The following CIC variants were observed in gnomAD, a reference collection of about 807,000 sequenced individuals.
CIC encodes protein capicua homolog.
Under a neutral mutation model 115.7 loss-of-function variants are expected in CIC, and 18 were observed. That is an observed-to-expected ratio of 0.16 (90% CI 0.11 to 0.23). The LOEUF is 0.23. Ranked by LOEUF, CIC falls within the 10% of genes least tolerant of loss-of-function variation. CIC has a pLI of 1.00. For missense variants in CIC, 2,000 were observed against 2,159.3 expected, an observed-to-expected ratio of 0.93 and a Z score of 1.46; for synonymous variants, 1,076 against 923.0, an observed-to-expected ratio of 1.17 and a Z score of -3.01.
Position 42,291,455 on chromosome 19 carries a change from C to T in CIC, c.5414C>T (p.Pro1805Leu), listed in dbSNP as rs549004026. Residue 1805 changes from proline (P) to leucine (L), a missense_variant, in exon 11 of 21, where the codon CCA becomes CTA. By Grantham distance (98) the Pro-to-Leu change is moderately conservative. Around this residue, in one of 8 missense-constraint regions of CIC, gnomAD observed 1,466 missense variants for 1,390.4 expected, o/e 1.05. Transcript: ENST00000681038. Reference protein sequence around the residue: ...IPILQSVPSAPPPKAQSVSPV... With the variant: ...IPILQSVPSALPPKAQSVSPV... The stretch of plus-strand genomic sequence containing the variant: ...ATCCTGCAGTCTGTACCCTCCGCCC[C>T]ACCCCCCAAAGGTGAGACCTGGGCC... 3.7e-6 allele frequency: 6 copies of T among 1,613,094 alleles called. No homozygotes were observed. The highest frequency in any genetic ancestry group is 1.3e-5 in the African/African-American group (1 of 75,048).
Position 42,272,615 on chromosome 19 carries a change from G to A in CIC, c.832G>A (p.Val278Met), listed in dbSNP as rs1568485683. The A allele has an allele frequency of 1.5e-5, 6 of 398,548 alleles. No individual in the cohort carries two copies. The highest frequency in any genetic ancestry group is 1.3e-4 in the South Asian group (1 of 7,876). 24.7% of individuals were successfully genotyped at this position (398,548 alleles called of 1,614,324 possible). ...TAVCTCVEPG[V>M]AAYREGVVVE... ...TGTCTGTACCTGTGTGGAGCCCGGC[G>A]TGGCTGCCTACCGGGAAGGTGTGGT... The change falls in exon 2 of 21, where the codon GTG (valine) becomes ATG (methionine). Residue 278 changes from valine (V) to methionine (M), a missense_variant. Val to Met is a conservative substitution (Grantham distance 21, BLOSUM62 1). Transcript: ENST00000681038.
chr19:42,268,587 G>C (rs1315250230), upstream of CIC: 1 of 152,228 alleles, frequency 6.6e-6, no homozygotes, highest in Non-Finnish European at 1.5e-5. Flanking sequence ...CCAGAGCCAG[G>C]AATACGGGTG....
intron 2 of CIC, 50 bp from the exon 3 acceptor site, chr19:42,286,721 G>A (rs1454277308): frequency 6.2e-7 from 1 of 1,612,314 alleles, no homozygotes; most frequent in Non-Finnish European, 8.5e-7. Flanking sequence ...TTGAGTTGGG[G>A]TTGGGGCCAG....
At position 42,291,579 on chromosome 19, in the gene CIC, A is replaced by C. The variant is rs763794692; in HGVS notation, c.5447A>C (p.Gln1816Pro). 1.2e-6 allele frequency: 2 copies of C among 1,612,868 alleles called. No homozygotes were observed. The highest frequency in any genetic ancestry group is 3.3e-5 in the Admixed American group (2 of 59,998). Residue 1816 changes from glutamine to proline, a missense_variant, in exon 12 of 21, where the codon CAG becomes CCG. Physicochemically the swap from Gln to Pro is moderately conservative, Grantham distance 76. Transcript: ENST00000681038. ...PPKAQSVSPV[Q>P]APPPGGSAQL... ...CCAGCCCAGTCAGTTTCTCCCGTGC[A>C]GGCCCCGCCCCCGGGTGGCTCAGCC...
chr19:42,289,984 C>T (rs1235669326), intron 10 of CIC, 33 bp downstream of exon 10: 2 of 1,531,588 alleles, frequency 1.3e-6, no homozygotes, highest in Non-Finnish European at 1.8e-6. Flanking sequence ...TGTCCCATCA[C>T]ACTCCCTCCT....
Position 42,273,839 on chromosome 19 carries a change from G to A in CIC, c.2056G>A (p.Ala686Thr). 2.5e-6 allele frequency: 1 copy of A among 398,620 alleles called. No individual in the cohort carries two copies. 24.7% of individuals were successfully genotyped at this position (398,620 alleles called of 1,614,324 possible). A position where few individuals can be genotyped will look rare whatever the true frequency, so the allele number is the denominator to read the frequency against. Residue 686 changes from alanine (A) to threonine (T), a missense_variant, in exon 2 of 21, where the codon GCC becomes ACC. Ala to Thr is a moderately conservative substitution (Grantham distance 58). Transcript: ENST00000681038. Reference protein sequence around the residue: ...PDLGPHPPPPAPRERHSSGIL... With the variant: ...PDLGPHPPPPTPRERHSSGIL... The stretch of plus-strand genomic sequence containing the variant: ...CCTGGGCCCCCACCCACCGCCACCT[G>A]CCCCCCGAGAGCGCCACTCCTCTGG...
In CIC at chr19:42,290,749, G is replaced by C. The variant is rs766781873; in HGVS notation, c.4708G>C (p.Ala1570Pro). Residue 1570 changes from alanine (A) to proline (P), a missense_variant, in exon 11 of 21, where the codon GCA becomes CCA. Ala to Pro is a conservative substitution (Grantham distance 27). This residue lies in a region of CIC where 1,466 missense variants were observed against 1,390.4 expected (regional missense o/e 1.05). Transcript: ENST00000681038. ...CCCATCACTGGCCTATGGGGCCCCAGCAGCTCCCCTGTCCCGTCCTGCCGC... is the reference window on the plus strand; with the variant it reads ...CCCATCACTGGCCTATGGGGCCCCACCAGCTCCCCTGTCCCGTCCTGCCGC... ...PAPSLAYGAP[A>P]APLSRPAATM... The C allele has an allele frequency of 6.2e-7, 1 of 1,612,476 alleles. No individual in the cohort carries two copies. Among genetic ancestry groups the C allele is most frequent in the Non-Finnish European group, 8.5e-7 (1 of 1,179,730 alleles).
chr19:42,289,441 C>T, intron 9 of CIC, 35 bp downstream of exon 9: 1 of 1,548,988 alleles, frequency 6.5e-7, no homozygotes, highest in Non-Finnish European at 8.7e-7. Flanking sequence ...TTGCCCAGGA[C>T]CCAGCAGGCC....
rs1256197247 is a variant in CIC, at chr19:42,294,711, C to G, written c.7162C>G (p.Gln2388Glu). 3 of 1,613,666 alleles carry G rather than the reference C, an allele frequency of 1.9e-6. No homozygotes were observed. The highest frequency in any genetic ancestry group is 2.5e-6 in the Non-Finnish European group (3 of 1,180,022). Residue 2388 changes from glutamine (Q) to glutamate (E), a missense_variant, in exon 20 of 21, where the codon CAG becomes GAG. Gln to Glu is a conservative substitution (Grantham distance 29). Around this residue, in one of 8 missense-constraint regions of CIC, gnomAD observed 99 missense variants for 217.6 expected, o/e 0.45. Transcript: ENST00000681038. ...CCGGGCCCTGGTCATGCAGCTCTTT[C>G]AGGACCATGGCTTCTTCCCGTCAGG... The part of the protein sequence containing the change: ...QRRALVMQLF[Q>E]DHGFFPSAQA...
chr19:42,293,041 C>A lies in CIC; in HGVS notation c.6282C>A (p.Ala2094=). 1 of 1,613,020 alleles carries A rather than the reference C, an allele frequency of 6.2e-7. No homozygotes were observed. The highest frequency in any genetic ancestry group is 8.5e-7 in the Non-Finnish European group (1 of 1,179,878). Residue 2094 remains alanine, a synonymous_variant, in exon 16 of 21, where the codon GCC becomes GCA. Coordinates refer to ENST00000681038, the MANE Select transcript of CIC (RefSeq NM_001386298.1). ...CCCAGAAAGTGAAGGCAGCCATCGCCAGCATTCCCGTGGGGTCCTTTGAGG... is the reference window on the plus strand; with the variant it reads ...CCCAGAAAGTGAAGGCAGCCATCGCAAGCATTCCCGTGGGGTCCTTTGAGG... ...KAPQKVKAAI[A]SIPVGSFEAG...
Position 42,295,143 on chromosome 19 carries a change from G to GGGGGC in CIC, c.7506_7507insGGGGC (p.Pro2503GlyfsTer28). The GGGGGC allele has an allele frequency of 6.6e-5, 91 of 1,382,328 alleles. No individual in the cohort carries two copies. Among genetic ancestry groups the GGGGGC allele is most frequent in the Non-Finnish European group, 7.9e-5 (82 of 1,037,454 alleles). The allele number at this position is 1,382,328 out of a possible 1,614,324, so 85.6% of individuals were successfully genotyped here. On this transcript the variant is annotated frameshift_variant, in exon 21 of 21. Coordinates refer to ENST00000681038, the MANE Select transcript of CIC (RefSeq NM_001386298.1). LOFTEE classifies it high-confidence loss of function. ...AGCCTGGCTGGGAGGGGGCTCCCCAGCCCTCCCCCCCACCCCCAGGTCCCT... is the reference window on the plus strand; with the variant it reads ...AGCCTGGCTGGGAGGGGGCTCCCCAGGGGGCCCCTCCCCCCCACCCCCAGGTCCCT...
rs1469865522 is a variant in CIC, at chr19:42,294,857, C to G, written c.7220C>G (p.Ala2407Gly). ...ACAGCCGCCTTCCAGGCCCGCTATG[C>G]AGACATCTTTCCCTCCAAGGTTTGT... Reference protein sequence around the residue: ...QATAAFQARYADIFPSKVCLQ... With the variant: ...QATAAFQARYGDIFPSKVCLQ... Residue 2407 changes from alanine to glycine, a missense_variant, in exon 21 of 21, where the codon GCA becomes GGA. Coordinates refer to ENST00000681038, the MANE Select transcript of CIC (RefSeq NM_001386298.1). 6 of 1,601,076 alleles carry G rather than the reference C, an allele frequency of 3.7e-6. No homozygotes were observed. In the African/African-American group the frequency reaches 8.0e-5, roughly 21 times the overall value.
Position 42,286,934 on chromosome 19 carries a change from G to T in CIC, c.2944+14G>T. 1 of 1,609,436 alleles carries T rather than the reference G, an allele frequency of 6.2e-7. No individual in the cohort carries two copies. The highest frequency in any genetic ancestry group is 8.5e-7 in the Non-Finnish European group (1 of 1,179,514). On this transcript the variant is annotated intron_variant, in intron 3 of 20. Coordinates refer to ENST00000681038, the MANE Select transcript of CIC (RefSeq NM_001386298.1). ...ACCAGAGCAAAGGTGAGGGCTGGTG[G>T]GGACTGGGGGGAGGCAAGGGTGTGG...
In CIC at chr19:42,291,474, C is replaced by G. The variant is rs1599920290; in HGVS notation, c.5425+8C>G. The G allele has an allele frequency of 1.1e-5, 18 of 1,613,164 alleles. No homozygotes were observed. The highest frequency in any genetic ancestry group is 1.4e-5 in the Non-Finnish European group (17 of 1,179,986). On this transcript the variant is annotated splice_region_variant and intron_variant, in intron 11 of 20. Coordinates refer to ENST00000681038, the MANE Select transcript of CIC (RefSeq NM_001386298.1). ...CCGCCCCACCCCCCAAAGGTGAGAC[C>G]TGGGCCGGGCAGCACTAGGGGAGGG...
chr19:42,292,580 C>T lies in CIC; in HGVS notation c.5917C>T (p.Leu1973=), dbSNP rs201741419. ...QPLLSAGQAP[L]LAPGQVGVSP... Reference sequence around the variant, plus strand: ...CTGTCTTTCAGCAGGCCAAGCCCCACTGCTGGCTCCCGGTCAGGTGGGCGT... The same window carrying T: ...CTGTCTTTCAGCAGGCCAAGCCCCATTGCTGGCTCCCGGTCAGGTGGGCGT... The change falls in exon 15 of 21, where the codon CTG becomes TTG. Residue 1973 remains leucine, a synonymous_variant. Coordinates refer to ENST00000681038, the MANE Select transcript of CIC (RefSeq NM_001386298.1). 9.9e-6 allele frequency: 16 copies of T among 1,613,346 alleles called. No homozygotes were observed. In the East Asian group the frequency reaches 2.7e-4, roughly 27 times the overall value.
Position 42,295,107 on chromosome 19 carries a change from G to A in CIC, c.7470G>A (p.Ser2490=), listed in dbSNP as rs949398192. 51 of 1,524,126 alleles carry A rather than the reference G, an allele frequency of 3.3e-5. No individual in the cohort carries two copies. The highest frequency in any genetic ancestry group is 3.9e-5 in the Non-Finnish European group (45 of 1,141,520). The allele number at this position is 1,524,126 out of a possible 1,614,324, so 94.4% of individuals were successfully genotyped here. A position where few individuals can be genotyped will look rare whatever the true frequency, so the allele number is the denominator to read the frequency against. The change falls in exon 21 of 21, where the codon TCG becomes TCA. Residue 2490 remains serine (S), a synonymous_variant. Transcript: ENST00000681038. ...CGCCACTGCCTCCACCCCCAGAGTC[G>A]GGGCCTGGACAGCCTGGCTGGGAGG... is the stretch of plus-strand genomic sequence containing the variant. ...AAPPLPPPPE[S]GPGQPGWEGA... is the part of the protein sequence containing the mutation.
chr19:42,287,111 C>T lies in CIC; in HGVS notation c.3050C>T (p.Pro1017Leu), dbSNP rs569347188. The part of the protein sequence containing the change: ...PGATCPESPG[P>L]GPPHPLGVVE... ...GCCACATGCCCTGAGAGCCCAGGAC[C>T]CGGACCCCCACACCCTTTGGGGGTG... Residue 1017 changes from proline to leucine, a missense_variant, in exon 4 of 21, where the codon CCC becomes CTC. By Grantham distance (98) the Pro-to-Leu change is moderately conservative (BLOSUM62 -3). Coordinates refer to ENST00000681038, the MANE Select transcript of CIC (RefSeq NM_001386298.1). The surrounding 1 kb of genome is among the most constrained non-coding windows in gnomAD (Gnocchi z 8.7). 19 of 1,613,582 alleles carry T rather than the reference C, an allele frequency of 1.2e-5. No individual in the cohort carries two copies. The South Asian group carries it at 1.6e-4, about 14-fold the overall frequency.
chr19:42,285,880 A>C (rs1408259727), intron 2 of CIC, among the ~76,000 whole-genome samples: 1 of 152,242 alleles, frequency 6.6e-6, no homozygotes, highest in Non-Finnish European at 1.5e-5. Context: ...CCTCTTGGTG[A>C]GGAAGCATCT....
At position 42,294,526 on chromosome 19, in the gene CIC, C is replaced by G. The variant is rs912612017; in HGVS notation, c.7055-78C>G. ...CCTGTGAAATAGAATGCAGTGAGGG[C>G]TTGGGTGGGCACTCAGACGGTGGCA... On this transcript the variant is annotated intron_variant, in intron 19 of 20. Coordinates refer to ENST00000681038, the MANE Select transcript of CIC (RefSeq NM_001386298.1). 1.9e-6 allele frequency: 3 copies of G among 1,601,756 alleles called. No homozygotes were observed. The East Asian group carries it at 6.7e-5, about 36-fold the overall frequency.
Sources: allele counts gnomAD v4.1 joint callset (sites outside exome capture counted in the v4.1 genomes callset), GRCh38; gene constraint gnomAD v4.1.1; regional missense constraint gnomAD v4.1.1; non-coding constraint Gnocchi (gnomAD v3.1); transcripts MANE v1.5; gene names NCBI Gene and HGNC (gene_info 2026-07-23, HGNC 2026-07-21).